TBC1D30: variants seen among roughly 807,000 people sequenced by gnomAD.
TBC1D30 encodes the protein TBC1 domain family member 30.
A neutral mutation model predicts 63.2 loss-of-function variants in TBC1D30; 31 were observed. That is an observed-to-expected ratio of 0.49 (90% CI 0.37 to 0.66). The LOEUF (loss-of-function observed/expected upper bound fraction) is 0.66, where lower values mean the gene tolerates loss of function less well. Among genes scored for constraint, TBC1D30 ranks in the 30% least tolerant of loss-of-function variants. TBC1D30 has a pLI of 0.00. For synonymous variants in TBC1D30, 307 were observed against 361.5 expected, an observed-to-expected ratio of 0.85 and a Z score of 1.71; for missense variants, 810 against 953.6, an observed-to-expected ratio of 0.85 and a Z score of 1.98.
intron 10 of TBC1D30, among the ~76,000 whole-genome samples, chr12:64,868,933 C>A (rs1878436753): frequency 6.6e-6 from 1 of 152,068 alleles, no homozygotes; most frequent in African/African-American, 2.4e-5. Context: ...TGGTAATGTT[C>A]CCCTTAAAAT....
intron 8 of TBC1D30, among the ~76,000 whole-genome samples, chr12:64,849,538 C>T (rs768677941): frequency 2.0e-5 from 3 of 152,072 alleles, no homozygotes; most frequent in Non-Finnish European, 4.4e-5. Flanking sequence ...GAATCCTTTC[C>T]CCATTGCTCG....
At chr12:64,798,050 C>G (rs1255316677) in intron 2 of TBC1D30, among the ~76,000 whole-genome samples, 1 of 152,154 alleles carries the variant, frequency 6.6e-6, no homozygotes, top group African/African-American at 2.4e-5. Flanking sequence ...AGTATTGGCC[C>G]TACTTACCTC....
chr12:64,805,093 C>T (rs1431055488), intron 2 of TBC1D30, among the ~76,000 whole-genome samples: 5 of 151,936 alleles, frequency 3.3e-5, no homozygotes, highest in Non-Finnish European at 7.4e-5. Flanking sequence ...CCCAGCTGCT[C>T]AGGAGGCTGA....
chr12:64,860,134 C>G (rs539868479), intron 8 of TBC1D30, among the ~76,000 whole-genome samples: 1 of 152,054 alleles, frequency 6.6e-6, no homozygotes, highest in South Asian at 2.1e-4. Flanking sequence ...TCTCCCACCT[C>G]AGCCCCCCAA....
At chr12:64,854,104 AC>A (rs1421508613) in intron 8 of TBC1D30, among the ~76,000 whole-genome samples, 1 of 151,928 alleles carries the variant, frequency 6.6e-6, no homozygotes, top group Non-Finnish European at 1.5e-5. Context: ...GTAAAGCCTT[AC>A]CCCTGCCATT....
At chr12:64,820,066 C>T (rs537503072), upstream of TBC1D30, among the ~76,000 whole-genome samples, 69 of 152,296 alleles carry the variant, frequency 4.5e-4, no homozygotes, top group Middle Eastern at 0.01. Context: ...TGGTCTCTCT[C>T]TCCTCATAGC....
At chr12:64,871,472 G>A (rs1020772347) in intron 11 of TBC1D30, among the ~76,000 whole-genome samples, 1 of 152,088 alleles carries the variant, frequency 6.6e-6, no homozygotes, top group African/African-American at 2.4e-5. Context: ...AATGAAAATG[G>A]TGCCTGTCCA....
At chr12:64,790,178 A>G (rs1297287215) in intron 2 of TBC1D30, among the ~76,000 whole-genome samples, 1 of 152,214 alleles carries the variant, frequency 6.6e-6, no homozygotes, top group Non-Finnish European at 1.5e-5. Flanking sequence ...TTATAAATAC[A>G]GAGTTTCTGG....
chr12:64,814,356 C>G (rs1873398755), intron 2 of TBC1D30, among the ~76,000 whole-genome samples: 1 of 151,892 alleles, frequency 6.6e-6, no homozygotes, highest in African/African-American at 2.4e-5. Flanking sequence ...CAGGAAGGTA[C>G]CATTTCTAAA....
chr12:64,869,579 A>G (rs1213422238), intron 10 of TBC1D30, among the ~76,000 whole-genome samples: 1 of 152,010 alleles, frequency 6.6e-6, no homozygotes. Context: ...TTTAATGGTA[A>G]AGTTTTTGAA....
In TBC1D30 at chr12:64,843,507, G is replaced by A. The variant is rs73325480; in HGVS notation, c.1038+22G>A. The A allele has an allele frequency of 7.2e-5, 110 of 1,529,974 alleles. No individual in the cohort carries two copies. In the African/African-American group the frequency reaches 1.2e-3, roughly 17 times the overall value. The allele number at this position is 1,529,974 out of a possible 1,614,324, so 94.8% of individuals were successfully genotyped here. A position where few individuals can be genotyped will look rare whatever the true frequency, so the allele number is the denominator to read the frequency against. ...GCAGGTGAGTCGGCAACATGGAGCA[G>A]CTTGGCTCGGGGAACCCCGGGCACG... On this transcript the variant is annotated intron_variant, in intron 8 of 11. Coordinates refer to ENST00000539867, the MANE Select transcript of TBC1D30 (RefSeq NM_015279.2).
chr12:64,780,803 G>GGGACCAT (rs1297999707), exon 1 of TBC1D30: 2 of 991,278 alleles, frequency 2.0e-6, no homozygotes, highest in Admixed American at 6.1e-5. Context: ...CCGCGCGCCG[G>GGGACCAT]GGACCATGGA....
At chr12:64,807,918 G>GTGTTTTTTTTT (rs777402054) in intron 2 of TBC1D30, among the ~76,000 whole-genome samples, 3 of 93,526 alleles carry the variant, frequency 3.2e-5, no homozygotes, top group African/African-American at 1.7e-4. Flanking sequence ...CCTAATTTAA[G>GTGTTTTTTTTT]TTTTTTTTTT....
intron 2 of TBC1D30, 56 bp from the exon 3 acceptor site, chr12:64,828,388 A>G (rs1874548242): frequency 1.5e-6 from 2 of 1,290,636 alleles, no homozygotes; most frequent in African/African-American, 1.5e-5. Flanking sequence ...AAAAGATTGC[A>G]AAGTGCTTAT....
exon 1 of TBC1D30, chr12:64,781,087 A>AGAG (rs1347570671): frequency 4.0e-6 from 4 of 1,006,852 alleles, no homozygotes; most frequent in Non-Finnish European, 3.6e-6. Context: ...ACAGCTGCAC[A>AGAG]GAGGAGGAGG....
At chr12:64,856,380 T>C (rs766085442) in intron 8 of TBC1D30, among the ~76,000 whole-genome samples, 1 of 152,246 alleles carries the variant, frequency 6.6e-6, no homozygotes, top group Non-Finnish European at 1.5e-5. Flanking sequence ...TATCACCAGG[T>C]ATTAGAAGGG....
At chr12:64,832,330 C>T (rs1267410674) in intron 5 of TBC1D30, 26 bp downstream of exon 5, 11 of 1,522,126 alleles carry the variant, frequency 7.2e-6, no homozygotes, top group Non-Finnish European at 9.7e-6. Context: ...TGACAAAGGC[C>T]ATGGACATTC....
intron 10 of TBC1D30, among the ~76,000 whole-genome samples, chr12:64,869,705 T>C (rs1166016488): frequency 6.6e-6 from 1 of 152,212 alleles, no homozygotes; most frequent in Non-Finnish European, 1.5e-5. Context: ...ATCATTAGTC[T>C]TTCTTGTTGA....
intron 2 of TBC1D30, among the ~76,000 whole-genome samples, chr12:64,816,551 G>T (rs983351055): frequency 1.3e-5 from 2 of 152,146 alleles, no homozygotes; most frequent in Non-Finnish European, 2.9e-5. Flanking sequence ...AGTTAAATTG[G>T]TCTCAGAGAA....
Sources: gnomAD v4.1 joint callset for allele counts (sites outside exome capture counted in the v4.1 genomes callset) on GRCh38, gnomAD v4.1.1 for gene constraint, MANE v1.5 for transcripts, NCBI Gene and HGNC (gene_info 2026-07-23, HGNC 2026-07-21) for gene names.